NOXA1: variants seen among roughly 807,000 people sequenced by gnomAD.
NOXA1 encodes the protein NCF2-like protein.
Under a neutral mutation model 64.8 loss-of-function variants are expected in NOXA1, and 56 were observed. That is an observed-to-expected ratio of 0.86 (90% CI 0.70 to 1.08). NOXA1 has a LOEUF of 1.08. Ranked by LOEUF, NOXA1 falls within the 50% of genes least tolerant of loss-of-function variation. The probability of loss-of-function intolerance (pLI) is 0.00; values close to 1 mark genes in which losing one functional copy is unlikely to be tolerated. For missense variants in NOXA1, 668 were observed against 658.5 expected (o/e 1.01, Z -0.16); for synonymous variants, 295 against 294.8 (o/e 1.00, Z -0.01).
intron 2 of NOXA1, 34 bp from the exon 3 acceptor site, chr9:137,427,999 C>T: frequency 6.9e-7 from 1 of 1,449,114 alleles, no homozygotes; most frequent in Non-Finnish European, 9.5e-7. Context: ...CCATCTCCGC[C>T]CTGTGCTGCT....
At chr9:137,427,044 G>A (rs1006105715) in intron 2 of NOXA1, among the ~76,000 whole-genome samples, 2 of 152,120 alleles carry the variant, frequency 1.3e-5, no homozygotes, top group African/African-American at 4.8e-5. Flanking sequence ...TGATCCACCC[G>A]CCTCGGCCTC....
chr9:137,432,298 A>G (rs1839140685), intron 8 of NOXA1, among the ~76,000 whole-genome samples: 1 of 150,016 alleles, frequency 6.7e-6, no homozygotes, highest in African/African-American at 2.5e-5. Flanking sequence ...AAAAAAAAAA[A>G]GCCAGGCGAA....
intron 5 of NOXA1, among the ~76,000 whole-genome samples, chr9:137,429,623 A>C (rs1050579098): frequency 1.3e-5 from 2 of 152,150 alleles, no homozygotes; most frequent in Non-Finnish European, 2.9e-5. Context: ...CAGCTCTCTC[A>C]ACAAGGACCC....
intron 3 of NOXA1, 72 bp downstream of exon 3, chr9:137,428,213 G>T: frequency 8.8e-7 from 1 of 1,132,930 alleles, no homozygotes. Context: ...TCACAGGAGG[G>T]CCCTGTGGAC....
intron 8 of NOXA1, among the ~76,000 whole-genome samples, chr9:137,432,510 G>C (rs982569758): frequency 6.6e-5 from 10 of 152,154 alleles, no homozygotes; most frequent in African/African-American, 2.2e-4. Flanking sequence ...AACCCAGGAG[G>C]CGGAGCTTAT....
chr9:137,432,901 A>G, intron 8 of NOXA1, 128 bp from the exon 9 acceptor site: 2 of 1,001,298 alleles, frequency 2.0e-6, no homozygotes, highest in Non-Finnish European at 3.0e-6. Flanking sequence ...TGAATTCAAC[A>G]CCCACAGACC....
In NOXA1 at chr9:137,427,507, G is replaced by A. The variant is rs184446359; in HGVS notation, c.261-526G>A. ...AAGCCATCTCTTCCTTTACTGAAGA[G>A]TCCCAGCATTCGGGATTATGGCTGT... On this transcript the variant is annotated intron_variant, in intron 2 of 13. Coordinates refer to ENST00000683555, the MANE Select transcript of NOXA1 (RefSeq NM_001256067.2). 8.7e-4 allele frequency among the ~76,000 whole-genome samples: 132 copies of A among 152,366 alleles called. 2 individuals carry two copies. In the East Asian group the frequency reaches 0.022, roughly 25 times the overall value.
chr9:137,427,652 A>C (rs1437116874), intron 2 of NOXA1, among the ~76,000 whole-genome samples: 1 of 152,204 alleles, frequency 6.6e-6, no homozygotes, highest in East Asian at 1.9e-4. Context: ...AGCTCCCAGC[A>C]AGGCTTGGAA....
intron 3 of NOXA1, 111 bp from the exon 4 acceptor site, chr9:137,428,771 G>A (rs540658995): frequency 2.7e-6 from 3 of 1,105,726 alleles, no homozygotes; most frequent in Non-Finnish European, 3.7e-6. Flanking sequence ...CAGGTGGGGG[G>A]ACTGGGGGAG....
intron 1 of NOXA1, among the ~76,000 whole-genome samples, chr9:137,425,627 C>T (rs1323997463): frequency 6.6e-5 from 10 of 152,196 alleles, no homozygotes; most frequent in Admixed American, 2.6e-4. Flanking sequence ...CTCAGGTGAT[C>T]CGCCCACCTC....
chr9:137,431,911 T>A lies in NOXA1; in HGVS notation c.804+570T>A, dbSNP rs948317227. Among the ~76,000 whole-genome samples the A allele has an allele frequency of 2.0e-5, 3 of 152,142 alleles. No homozygotes were observed. The highest frequency in any genetic ancestry group is 2.9e-5 in the Non-Finnish European group (2 of 68,022). ...ACCTGCATTTCACGCTGAGCGCATC[T>A]GAGGATGCGATCAGGAAGCAGCCCC... On this transcript the variant is annotated intron_variant, in intron 8 of 13. Transcript: ENST00000683555. This position sits in a 1 kb window ranked among gnomAD's most constrained non-coding sequence, Gnocchi z 5.6.
chr9:137,433,383 C>T (rs1038492541), intron 10 of NOXA1, 70 bp from the exon 11 acceptor site: 62 of 1,519,814 alleles, frequency 4.1e-5, no homozygotes, highest in East Asian at 3.3e-4. Context: ...CCACACCCCT[C>T]GGGCTGAAGA....
In NOXA1 at chr9:137,426,250, AT is replaced by A. The variant is rs755761843; in HGVS notation, c.183del (p.Phe61LeufsTer5). On this transcript the variant is annotated frameshift_variant, in exon 2 of 14. Transcript: ENST00000683555. LOFTEE classifies it high-confidence loss of function. Reference sequence around the variant, plus strand: ...CCCGTGGGCATTTTTGTCCCCAGGCATTTGACCAAGCCGTGACCAAGGACAC... The same window carrying A: ...CCCGTGGGCATTTTTGTCCCCAGGCATTGACCAAGCCGTGACCAAGGACAC... ...AGDPEAALRA[F>X]DQAVTKDTCM... 1 of 1,613,578 alleles carries A rather than the reference AT, an allele frequency of 6.2e-7. No individual in the cohort carries two copies. Among genetic ancestry groups the A allele is most frequent in the African/African-American group, 1.3e-5 (1 of 74,914 alleles).
At position 137,423,568 on chromosome 9, in the gene NOXA1, G is replaced by T; in HGVS notation, c.39G>T (p.Leu13=). Residue 13 remains leucine (L), a synonymous_variant, in exon 1 of 14, where the codon CTG becomes CTT. Coordinates refer to ENST00000683555, the MANE Select transcript of NOXA1 (RefSeq NM_001256067.2). Reference sequence around the variant, plus strand: ...GGGACCTGGTGCGCGCCTGGCACCTGGGCGCGCAGGCTGTGGATCGTGGGG... The same window carrying T: ...GGGACCTGGTGCGCGCCTGGCACCTTGGCGCGCAGGCTGTGGATCGTGGGG... The part of the protein sequence containing the change: ...SLGDLVRAWH[L]GAQAVDRGDW... The T allele has an allele frequency of 6.9e-7, 1 of 1,456,284 alleles. No individual in the cohort carries two copies. Among genetic ancestry groups the T allele is most frequent in the Non-Finnish European group, 9.1e-7 (1 of 1,102,440 alleles). The allele number at this position is 1,456,284 out of a possible 1,614,324, so 90.2% of individuals were successfully genotyped here.
chr9:137,433,503 C>A lies in NOXA1; in HGVS notation c.960C>A (p.Cys320Ter). Residue 320 changes from cysteine to a stop codon, truncating the protein, a stop_gained, in exon 11 of 14, where the codon TGC becomes TGA. Coordinates refer to ENST00000683555, the MANE Select transcript of NOXA1 (RefSeq NM_001256067.2). LOFTEE classifies it high-confidence loss of function. Reference protein sequence around the residue: ...SEPLVTVTVQCAFTVALRARR... With the variant: ...SEPLVTVTVQ ...CCCTGGTGACTGTCACCGTGCAGTG[C>A]GCCTTCACAGTGGCCCTGAGGGCAC... The A allele has an allele frequency of 6.2e-7, 1 of 1,603,464 alleles. No individual in the cohort carries two copies. Among genetic ancestry groups the A allele is most frequent in the Non-Finnish European group, 8.5e-7 (1 of 1,178,524 alleles).
intron 4 of NOXA1, 105 bp from the exon 5 acceptor site, chr9:137,429,171 G>A: frequency 7.6e-7 from 1 of 1,322,210 alleles, no homozygotes; most frequent in Non-Finnish European, 1.0e-6. Flanking sequence ...CGGGAAGGGG[G>A]TGGGGGGCCC....
Position 137,429,168 on chromosome 9 carries a change from G to C in NOXA1, c.505-108G>C, listed in dbSNP as rs1167148030. On this transcript the variant is annotated intron_variant, in intron 4 of 13. Coordinates refer to ENST00000683555, the MANE Select transcript of NOXA1 (RefSeq NM_001256067.2). ...GGGGCTTCCTGTGACCTGCGGGAAG[G>C]GGGTGGGGGGCCCAAGCGGCCCCTT... 2.3e-6 allele frequency: 3 copies of C among 1,322,618 alleles called. No individual in the cohort carries two copies. The East Asian group carries it at 7.8e-5, about 34-fold the overall frequency. The allele number at this position is 1,322,618 out of a possible 1,614,324, so 81.9% of individuals were successfully genotyped here.
At chr9:137,430,962 G>T in intron 6 of NOXA1, 113 bp from the exon 7 acceptor site, 1 of 1,558,450 alleles carries the variant, frequency 6.4e-7, no homozygotes, top group Non-Finnish European at 8.8e-7. Context: ...GAGGTGTGGG[G>T]TGGCCATCCC....
At chr9:137,432,174 GGAGGCTGAGGTGGAAGGATTGCTT>G (rs1369930747) in intron 8 of NOXA1, among the ~76,000 whole-genome samples, 1 of 152,002 alleles carries the variant, frequency 6.6e-6, no homozygotes, top group Non-Finnish European at 1.5e-5. Context: ...CAGCACCGTG[GGAGGCTGAGGTGGAAGGATTGCTT>G]GAGCCTGGGA....
Sources: allele counts gnomAD v4.1 joint callset (sites outside exome capture counted in the v4.1 genomes callset), GRCh38; gene constraint gnomAD v4.1.1; non-coding constraint Gnocchi (gnomAD v3.1); transcripts MANE v1.5; gene names NCBI Gene and HGNC (gene_info 2026-07-23, HGNC 2026-07-21).